RARB: variants seen among roughly 807,000 people sequenced by gnomAD.
RARB encodes the protein retinoic acid receptor beta.
Under a neutral mutation model 51.9 loss-of-function variants are expected in RARB, and 17 were observed. That is an observed-to-expected ratio of 0.33 (90% CI 0.22 to 0.49). RARB has a LOEUF of 0.49. RARB is among the 20% of genes least tolerant of loss of function. The pLI is 0.99. For synonymous variants in RARB, 215 were observed against 195.4 expected (o/e 1.10, Z -0.84); for missense variants, 369 against 550.8 (o/e 0.67, Z 3.30).
At position 25,304,181 on chromosome 3, in the gene RARB, A is replaced by G. The variant is rs147444038; in HGVS notation, c.178+129606A>G. On this transcript the variant is annotated intron_variant, in intron 5 of 11. Transcript: ENST00000383772. ...CCCTAAACAGAACTGTCTGGCAGAT[A>G]GTCAAGGCCTTCCGAATCCCAGCTG... Among the ~76,000 whole-genome samples the G allele has an allele frequency of 7.9e-3, 1,196 of 152,328 alleles. 10 individuals carry two copies. Among genetic ancestry groups the G allele is most frequent in the African/African-American group, 0.028 (1,145 of 41,574 alleles).
chr3:25,502,374 C>T (rs1311375960), intron 3 of RARB, among the ~76,000 whole-genome samples: 1 of 152,084 alleles, frequency 6.6e-6, no homozygotes, highest in Non-Finnish European at 1.5e-5. Context: ...AGGTAAAGCC[C>T]CTGTAGCCAA....
chr3:25,211,401 C>T (rs775649239), intron 5 of RARB, among the ~76,000 whole-genome samples: 31 of 152,030 alleles, frequency 2.0e-4, no homozygotes, highest in Non-Finnish European at 4.3e-4. Context: ...TTACTGCAGT[C>T]ATTAATTTTA....
Position 25,232,973 on chromosome 3 carries a change from C to CTTTTTTTTTTTT in RARB, c.178+58407_178+58418dup, listed in dbSNP as rs71061205. On this transcript the variant is annotated intron_variant, in intron 5 of 11. Coordinates refer to the RARB transcript ENST00000383772. ...TGTATTAAATGCCTTTTTTCTTTTT[C>CTTTTTTTTTTTT]TTTTTTTTTTTTTTTTTTTTGAGAC... Among the ~76,000 whole-genome samples, 4 of 118,770 alleles carry CTTTTTTTTTTTT rather than the reference C, an allele frequency of 3.4e-5. 1 individual carries two copies. The highest frequency in any genetic ancestry group is 1.7e-5 in the Non-Finnish European group (1 of 57,936). 77.9% of individuals were successfully genotyped at this position (118,770 alleles called of 152,430 possible). A position where few individuals can be genotyped will look rare whatever the true frequency, so the allele number is the denominator to read the frequency against.
chr3:25,017,132 G>A (rs1162757463), intron 2 of RARB, among the ~76,000 whole-genome samples: 5 of 151,994 alleles, frequency 3.3e-5, no homozygotes, highest in East Asian at 1.9e-4. Context: ...GGGAGATACC[G>A]TTCCTGTCAT....
chr3:25,184,929 A>T (rs1700942311), intron 5 of RARB, among the ~76,000 whole-genome samples: 1 of 152,158 alleles, frequency 6.6e-6, no homozygotes, highest in Non-Finnish European at 1.5e-5. Flanking sequence ...AAACTTAGTA[A>T]ATAATAGCAT....
intron 5 of RARB, among the ~76,000 whole-genome samples, chr3:25,333,669 T>G (rs1353287180): frequency 6.6e-6 from 1 of 152,114 alleles, no homozygotes; most frequent in Non-Finnish European, 1.5e-5. Context: ...AAGCCAAAAT[T>G]GACAAATGGG....
At chr3:25,471,292 T>C (rs1695677278) in intron 2 of RARB, among the ~76,000 whole-genome samples, 1 of 152,172 alleles carries the variant, frequency 6.6e-6, no homozygotes, top group Admixed American at 6.5e-5. Context: ...TAAGAACTAG[T>C]GCCTGGAATG....
At chr3:25,392,391 A>G (rs1463960984) in intron 5 of RARB, among the ~76,000 whole-genome samples, 1 of 151,802 alleles carries the variant, frequency 6.6e-6, no homozygotes, top group Non-Finnish European at 1.5e-5. Context: ...TTGGTTCCAT[A>G]TGAATTTTAA....
chr3:25,158,368 A>G (rs1346427843), intron 4 of RARB, among the ~76,000 whole-genome samples: 1 of 152,176 alleles, frequency 6.6e-6, no homozygotes, highest in African/African-American at 2.4e-5. Context: ...CTTTGTTACA[A>G]TTGCTTATAA....
At chr3:25,195,185 A>G (rs1701201868) in intron 5 of RARB, among the ~76,000 whole-genome samples, 1 of 152,054 alleles carries the variant, frequency 6.6e-6, no homozygotes, top group African/African-American at 2.4e-5. Context: ...AGGTCTTGTT[A>G]TGAAATTTTT....
chr3:25,445,664 C>T (rs143999351), intron 1 of RARB, among the ~76,000 whole-genome samples: 23 of 151,678 alleles, frequency 1.5e-4, no homozygotes, highest in African/African-American at 5.3e-4. Flanking sequence ...GAGACTCCTT[C>T]TCAAAAAAAA....
chr3:25,133,350 C>T (rs1376465454), intron 4 of RARB, among the ~76,000 whole-genome samples: 3 of 151,898 alleles, frequency 2.0e-5, no homozygotes, highest in Non-Finnish European at 4.4e-5. Context: ...AAAGAGTGCT[C>T]CACTGCTTTT....
At position 25,584,558 on chromosome 3, in the gene RARB, T is replaced by A. The variant is rs1156283296; in HGVS notation, c.786+3836T>A. The stretch of plus-strand genomic sequence containing the variant: ...CGTGGGGAGCCTAGAGAGAGTGGAG[T>A]TCAAAGGCCCTGGGGCAGAGGAAGC... On this transcript the variant is annotated intron_variant, in intron 5 of 7. Transcript: ENST00000330688. Among the ~76,000 whole-genome samples the A allele has an allele frequency of 1.3e-4, 19 of 151,222 alleles. 1 individual carries two copies. Among genetic ancestry groups the A allele is most frequent in the Admixed American group, 1.3e-3 (19 of 15,198 alleles).
At chr3:25,524,616 T>G (rs547967144) in intron 3 of RARB, among the ~76,000 whole-genome samples, 4 of 140,222 alleles carry the variant, frequency 2.9e-5, no homozygotes, top group Non-Finnish European at 4.7e-5. Flanking sequence ...CCCCCTCCCT[T>G]CCTCCCTCCC....
chr3:25,488,423 A>C (rs1194904300), intron 2 of RARB, among the ~76,000 whole-genome samples: 2 of 152,080 alleles, frequency 1.3e-5, no homozygotes, highest in South Asian at 2.1e-4. Context: ...CAAAATAAAC[A>C]CTCCCTCCTA....
chr3:25,285,023 A>C (rs1005062648), intron 5 of RARB, among the ~76,000 whole-genome samples: 2 of 151,998 alleles, frequency 1.3e-5, no homozygotes, highest in Non-Finnish European at 2.9e-5. Context: ...TCATCTATTC[A>C]CTCATTTATT....
intron 4 of RARB, among the ~76,000 whole-genome samples, chr3:25,166,253 G>A (rs1217357673): frequency 1.3e-5 from 2 of 152,042 alleles, no homozygotes; most frequent in South Asian, 2.1e-4. Context: ...CTGAATATAC[G>A]AGAGGTTGCA....
intron 5 of RARB, among the ~76,000 whole-genome samples, chr3:25,396,301 G>A (rs926060512): frequency 6.6e-6 from 1 of 152,232 alleles, no homozygotes; most frequent in Admixed American, 6.5e-5. Flanking sequence ...GTCCTTGGTT[G>A]TAGTTCTGTT....
chr3:25,416,822 G>T (rs945786106), intron 5 of RARB, among the ~76,000 whole-genome samples: 6 of 152,136 alleles, frequency 3.9e-5, no homozygotes, highest in African/African-American at 1.2e-4. Flanking sequence ...TTTTGTCATG[G>T]ACTTCTATGG....
Sources: allele counts gnomAD v4.1 joint callset (sites outside exome capture counted in the v4.1 genomes callset), GRCh38; gene constraint gnomAD v4.1.1; transcripts MANE v1.5; gene names NCBI Gene and HGNC (gene_info 2026-07-23, HGNC 2026-07-21).